The following CLSTN2 variants were observed in gnomAD, a reference collection of about 807,000 sequenced individuals.
The protein encoded by CLSTN2 is calsyntenin-2.
In CLSTN2, 48 loss-of-function variants were observed where a neutral mutation model predicts 101.2. The ratio of observed to expected loss-of-function variants is 0.47; its 90% CI spans 0.38 to 0.60. The LOEUF (loss-of-function observed/expected upper bound fraction) is 0.60. Among genes scored for constraint, CLSTN2 ranks in the 20% least tolerant of loss-of-function variants. CLSTN2 has a pLI of 0.00. For missense variants in CLSTN2, 1,160 were observed against 1,238.2 expected (o/e 0.94, Z 0.95); for synonymous variants, 481 against 463.6 (o/e 1.04, Z -0.48).
chr3:140,224,812 C>G (rs887135488), intron 2 of CLSTN2, among the ~76,000 whole-genome samples: 1 of 152,104 alleles, frequency 6.6e-6, no homozygotes, highest in Admixed American at 6.6e-5. Context: ...TTTGCTAATT[C>G]CTATTAGACT....
chr3:140,042,043 C>A (rs535454326), intron 1 of CLSTN2, among the ~76,000 whole-genome samples: 1 of 152,302 alleles, frequency 6.6e-6, no homozygotes, highest in African/African-American at 2.4e-5. Flanking sequence ...ATACAATTCA[C>A]CTATTTAAAG....
intron 1 of CLSTN2, among the ~76,000 whole-genome samples, chr3:139,988,732 C>T (rs1412489397): frequency 1.3e-5 from 2 of 152,154 alleles, no homozygotes; most frequent in Non-Finnish European, 2.9e-5. Flanking sequence ...TGCAAGGATG[C>T]ACCAGAGAGC....
intron 1 of CLSTN2, among the ~76,000 whole-genome samples, chr3:140,163,821 G>A (rs764593445): frequency 5.9e-5 from 9 of 151,968 alleles, no homozygotes; most frequent in Admixed American, 6.6e-5. Flanking sequence ...GAACACGACC[G>A]TAAAGGCTGG....
chr3:140,491,277 C>T (rs1934348161), intron 8 of CLSTN2, among the ~76,000 whole-genome samples: 1 of 152,202 alleles, frequency 6.6e-6, no homozygotes, highest in African/African-American at 2.4e-5. Flanking sequence ...TCATTTCATC[C>T]TTGCCCTGGA....
intron 8 of CLSTN2, chr3:140,507,798 A>G (rs1934712936): frequency 1.3e-5 from 2 of 151,938 alleles, no homozygotes; most frequent in African/African-American, 2.4e-5. Flanking sequence ...TTTACTTTCT[A>G]TATTCAGCAC....
intron 8 of CLSTN2, among the ~76,000 whole-genome samples, chr3:140,501,460 G>A (rs1363112943): frequency 6.6e-6 from 1 of 151,866 alleles, no homozygotes; most frequent in Non-Finnish European, 1.5e-5. Flanking sequence ...TCCTTCAGGA[G>A]GCCTCGGCTC....
At chr3:140,018,297 A>G (rs1403190836) in intron 1 of CLSTN2, among the ~76,000 whole-genome samples, 1 of 152,198 alleles carries the variant, frequency 6.6e-6, no homozygotes, top group Non-Finnish European at 1.5e-5. Flanking sequence ...GCTTCTTTAT[A>G]TGAGTGCTCA....
At chr3:140,111,827 G>A (rs937591864) in intron 1 of CLSTN2, among the ~76,000 whole-genome samples, 1 of 152,124 alleles carries the variant, frequency 6.6e-6, no homozygotes, top group Non-Finnish European at 1.5e-5. Flanking sequence ...ACTGTGATAA[G>A]GACTTCATAT....
Position 139,935,333 on chromosome 3 carries a change from A to G in CLSTN2, c.-42A>G. 9.1e-7 allele frequency: 1 copy of G among 1,101,252 alleles called. No individual in the cohort carries two copies. The highest frequency in any genetic ancestry group is 3.3e-5 in the East Asian group (1 of 30,426). The allele number at this position is 1,101,252 out of a possible 1,614,324, so 68.2% of individuals were successfully genotyped here. Reference sequence around the variant, plus strand: ...CACCGGGAGGCGAGAGCCGGCGCGGACAGTAGGCGGCGGCTGCAGCTCGTT... The same window carrying G: ...CACCGGGAGGCGAGAGCCGGCGCGGGCAGTAGGCGGCGGCTGCAGCTCGTT... On this transcript the variant is annotated 5_prime_UTR_variant, in exon 1 of 17. Coordinates refer to ENST00000458420, the MANE Select transcript of CLSTN2 (RefSeq NM_022131.3). This position sits in a 1 kb window ranked among gnomAD's most constrained non-coding sequence, Gnocchi z 5.5.
At chr3:140,283,519 A>G (rs866490128) in intron 2 of CLSTN2, among the ~76,000 whole-genome samples, 4 of 152,068 alleles carry the variant, frequency 2.6e-5, no homozygotes, top group Admixed American at 1.3e-4. Context: ...GGGAATATGG[A>G]CTTCATGAGG....
chr3:140,164,199 C>A (rs1266669447), intron 1 of CLSTN2, among the ~76,000 whole-genome samples: 1 of 150,100 alleles, frequency 6.7e-6, no homozygotes, highest in South Asian at 2.1e-4. Flanking sequence ...CTGCATGGCT[C>A]CTGATCTTCT....
At chr3:140,377,132 T>TA (rs1379208602) in intron 2 of CLSTN2, among the ~76,000 whole-genome samples, 12 of 152,070 alleles carry the variant, frequency 7.9e-5, no homozygotes, top group African/African-American at 2.4e-4. Flanking sequence ...ATAACGGAGT[T>TA]AAAAAATTCC....
At chr3:140,091,433 G>C in intron 1 of CLSTN2, among the ~76,000 whole-genome samples, 1 of 152,180 alleles carries the variant, frequency 6.6e-6, no homozygotes, top group East Asian at 1.9e-4. Flanking sequence ...GTGAGTAGCT[G>C]CCTTCCTTGG....
At chr3:140,347,370 T>A (rs1408864141) in intron 2 of CLSTN2, among the ~76,000 whole-genome samples, 3 of 152,212 alleles carry the variant, frequency 2.0e-5, no homozygotes, top group Non-Finnish European at 4.4e-5. Context: ...CTGGTTTTGT[T>A]TAATGACTGT....
intron 1 of CLSTN2, among the ~76,000 whole-genome samples, chr3:139,986,215 A>G (rs569769044): frequency 1.3e-5 from 2 of 152,318 alleles, no homozygotes; most frequent in South Asian, 2.1e-4. Flanking sequence ...AGCAAGTTTC[A>G]GAGTGTATTG....
chr3:140,230,798 A>G (rs1384184646), intron 2 of CLSTN2, among the ~76,000 whole-genome samples: 4 of 152,180 alleles, frequency 2.6e-5, no homozygotes, highest in African/African-American at 9.6e-5. Context: ...CCACCTTTGG[A>G]CATCATATGA....
At position 140,231,776 on chromosome 3, in the gene CLSTN2, A is replaced by G. The variant is rs973167055; in HGVS notation, c.232+55703A>G. Among the ~76,000 whole-genome samples, 5 of 152,352 alleles carry G rather than the reference A, an allele frequency of 3.3e-5. 1 individual carries two copies. The highest frequency in any genetic ancestry group is 3.3e-4 in the Admixed American group (5 of 15,294). ...TTGTTTTTGAATTGTAGCACCTTACATAATGCCTGGTATATGATAATCACT... is the reference window on the plus strand; with the variant it reads ...TTGTTTTTGAATTGTAGCACCTTACGTAATGCCTGGTATATGATAATCACT... On this transcript the variant is annotated intron_variant, in intron 2 of 16. Coordinates refer to ENST00000458420, the MANE Select transcript of CLSTN2 (RefSeq NM_022131.3).
chr3:140,298,938 C>A (rs1306913490), intron 2 of CLSTN2, among the ~76,000 whole-genome samples: 1 of 152,176 alleles, frequency 6.6e-6, no homozygotes, highest in Non-Finnish European at 1.5e-5. Context: ...GCTGCAGCTG[C>A]AAATGAAGAG....
chr3:140,563,683 G>T (rs550069863), intron 15 of CLSTN2, among the ~76,000 whole-genome samples: 1 of 152,170 alleles, frequency 6.6e-6, no homozygotes, highest in Non-Finnish European at 1.5e-5. Context: ...GAATAAAAGA[G>T]AATTTGCATT....
Sources: allele counts gnomAD v4.1 joint callset (sites outside exome capture counted in the v4.1 genomes callset), GRCh38; gene constraint gnomAD v4.1.1; non-coding constraint Gnocchi (gnomAD v3.1); transcripts MANE v1.5; gene names NCBI Gene and HGNC (gene_info 2026-07-23, HGNC 2026-07-21).